Variants in NOVA2 observed in about 807,000 individuals in gnomAD.
NOVA2 encodes the protein NOVA alternative splicing regulator 2, also known as RNA-binding protein Nova-2.
In NOVA2, 9 loss-of-function variants were observed where a neutral mutation model predicts 22.5. The observed-to-expected ratio is 0.40, with a 90% CI of 0.24 to 0.70. The LOEUF is 0.70. NOVA2 is among the 30% of genes least tolerant of loss of function. The probability of loss-of-function intolerance (pLI) is 0.38; values close to 1 mark genes in which losing one functional copy is unlikely to be tolerated. For synonymous variants in NOVA2, 318 were observed against 335.2 expected (o/e 0.95, Z 0.56); for missense variants, 383 against 682.8 (o/e 0.56, Z 4.89).
chr19:45,948,375 G>A (rs1174837473), intron 3 of NOVA2, among the ~76,000 whole-genome samples: 1 of 152,108 alleles, frequency 6.6e-6, no homozygotes, highest in Non-Finnish European at 1.5e-5. Flanking sequence ...CAAGGTGGGC[G>A]GATCACGGGG....
Position 45,961,140 on chromosome 19 carries a change from G to A in NOVA2, c.99C>T (p.Tyr33=), listed in dbSNP as rs546007497. Residue 33 remains tyrosine, a synonymous_variant, in exon 2 of 4, where the codon TAC becomes TAT. Transcript: ENST00000263257. The part of the protein sequence containing the change: ...KRSNTGEEGE[Y]FLKVLIPSYA... ...AGCTGGGGATCAGCACCTTCAGGAAGTATTCGCCTTCCTCTGCGGGGGCAC... is the reference window on the plus strand; with the variant it reads ...AGCTGGGGATCAGCACCTTCAGGAAATATTCGCCTTCCTCTGCGGGGGCAC... The A allele has an allele frequency of 3.0e-5, 48 of 1,599,668 alleles. 1 individual carries two copies. In the South Asian group the frequency reaches 5.1e-4, roughly 17 times the overall value.
intron 3 of NOVA2, among the ~76,000 whole-genome samples, chr19:45,949,337 A>C (rs887043943): frequency 1.3e-5 from 2 of 151,986 alleles, no homozygotes; most frequent in East Asian, 3.8e-4. Flanking sequence ...AAAAAAAAAA[A>C]AAACACCAGG....
intron 3 of NOVA2, among the ~76,000 whole-genome samples, chr19:45,943,787 A>G (rs1351200728): frequency 6.6e-6 from 1 of 151,982 alleles, no homozygotes; most frequent in Non-Finnish European, 1.5e-5. Context: ...CCCAAAATAA[A>G]TAAGTAAATA....
chr19:45,938,412 C>G lies in NOVA2; in HGVS notation c.*1451G>C, dbSNP rs751641705. 1.3e-5 allele frequency: 2 copies of G among 152,430 alleles called. No individual in the cohort carries two copies. The highest frequency in any genetic ancestry group is 2.9e-5 in the Non-Finnish European group (2 of 68,146). 9.4% of individuals were successfully genotyped at this position (152,430 alleles called of 1,614,324 possible). On this transcript the variant is annotated 3_prime_UTR_variant, in exon 4 of 4. Coordinates refer to ENST00000263257, the MANE Select transcript of NOVA2 (RefSeq NM_002516.4). ...AAGCCACCAAACCAATCTAACCTAT[C>G]AGACCACACGAAGCATTCTGGCCCA...
intron 1 of NOVA2, 75 bp downstream of exon 1, chr19:45,973,192 G>T (rs1304140694): frequency 5.4e-6 from 4 of 734,124 alleles, no homozygotes; most frequent in South Asian, 2.2e-5. Flanking sequence ...CACCTGCCAC[G>T]GGAGGGGGGG....
rs555844320 is a variant in NOVA2, at chr19:45,937,217, G to A, written c.*2646C>T. ...CACCCCAAGCAAACACTTTTCAGGA[G>A]GCCCAGCCTCCGGAGATGTGTCTGT... On this transcript the variant is annotated 3_prime_UTR_variant, in exon 4 of 4. Coordinates refer to ENST00000263257, the MANE Select transcript of NOVA2 (RefSeq NM_002516.4). The A allele has an allele frequency of 1.4e-4, 22 of 152,338 alleles. No homozygotes were observed. The highest frequency in any genetic ancestry group is 5.3e-4 in the African/African-American group (22 of 41,576). The allele number at this position is 152,338 out of a possible 1,614,324, so 9.4% of individuals were successfully genotyped here. A position where few individuals can be genotyped will look rare whatever the true frequency, so the allele number is the denominator to read the frequency against.
At chr19:45,966,081 C>T (rs750921351) in intron 1 of NOVA2, among the ~76,000 whole-genome samples, 8 of 152,102 alleles carry the variant, frequency 5.3e-5, no homozygotes, top group Non-Finnish European at 1.0e-4. Context: ...CTTTGTTAAT[C>T]ACCCATTTCC....
At chr19:45,957,432 G>A (rs749174644) in intron 2 of NOVA2, among the ~76,000 whole-genome samples, 5 of 151,912 alleles carry the variant, frequency 3.3e-5, no homozygotes, top group Non-Finnish European at 7.4e-5. Context: ...CCAGCTACTC[G>A]GGAGGCTGAG....
intron 2 of NOVA2, 99 bp from the exon 3 acceptor site, chr19:45,954,045 A>ACTCTCTG: frequency 7.4e-7 from 1 of 1,354,598 alleles, no homozygotes; most frequent in Non-Finnish European, 1.0e-6. Context: ...GCTGAGGTCC[A>ACTCTCTG]GAGAGTGGAC....
At position 45,937,042 on chromosome 19, in the gene NOVA2, A is replaced by G. The variant is rs1990932; in HGVS notation, c.*2821T>C. On this transcript the variant is annotated 3_prime_UTR_variant, in exon 4 of 4. Coordinates refer to ENST00000263257, the MANE Select transcript of NOVA2 (RefSeq NM_002516.4). ...CAAAGATGGTGGAGTGAGTTTCCCAAGGTAAAATGGGGAAAGGTGTGGCTC... is the reference window on the plus strand; with the variant it reads ...CAAAGATGGTGGAGTGAGTTTCCCAGGGTAAAATGGGGAAAGGTGTGGCTC... 0.55 allele frequency: 84,322 copies of G among 151,980 alleles called. 24,084 individuals carry two copies. The highest frequency in any genetic ancestry group is 0.64 in the East Asian group (3,329 of 5,166). 9.4% of individuals were successfully genotyped at this position (151,980 alleles called of 1,614,324 possible).
chr19:45,970,922 A>C (rs950259947), intron 1 of NOVA2, among the ~76,000 whole-genome samples: 3 of 152,138 alleles, frequency 2.0e-5, no homozygotes, highest in African/African-American at 7.2e-5. Context: ...GGTGGGAGAC[A>C]GTCTGGAGGA....
chr19:45,955,493 GA>G (rs1349661585), intron 2 of NOVA2, among the ~76,000 whole-genome samples: 1 of 152,148 alleles, frequency 6.6e-6, no homozygotes, highest in Admixed American at 6.6e-5. Context: ...GGTGAGCCGG[GA>G]TGTGTGTGAT....
intron 2 of NOVA2, 21 bp downstream of exon 2, chr19:45,960,989 G>A (rs1204720945): frequency 6.4e-7 from 1 of 1,565,812 alleles, no homozygotes; most frequent in Non-Finnish European, 8.7e-7. Flanking sequence ...GCCTAGGGCA[G>A]AGACCTGGGC....
intron 3 of NOVA2, among the ~76,000 whole-genome samples, chr19:45,943,107 A>G (rs1424740446): frequency 2.0e-5 from 3 of 148,298 alleles, no homozygotes; most frequent in Non-Finnish European, 3.0e-5. Flanking sequence ...AGGCTGGTAC[A>G]CAGTGGTGCG....
At chr19:45,965,441 G>A (rs796356056) in intron 1 of NOVA2, among the ~76,000 whole-genome samples, 7 of 152,300 alleles carry the variant, frequency 4.6e-5, no homozygotes, top group African/African-American at 1.4e-4. Context: ...TAAGAGTGAC[G>A]TTTATGGTCG....
intron 2 of NOVA2, among the ~76,000 whole-genome samples, chr19:45,955,915 C>T (rs1026923491): frequency 6.6e-6 from 1 of 152,072 alleles, no homozygotes; most frequent in South Asian, 2.1e-4. Flanking sequence ...CACCAGGCAC[C>T]GTGTGGCTGT....
At chr19:45,957,254 A>G (rs897513406) in intron 2 of NOVA2, among the ~76,000 whole-genome samples, 2 of 152,064 alleles carry the variant, frequency 1.3e-5, no homozygotes, top group African/African-American at 4.8e-5. Context: ...AAAAAAATAT[A>G]CAGGCCAGGT....
chr19:45,957,832 C>A (rs566388679), intron 2 of NOVA2, among the ~76,000 whole-genome samples: 1 of 151,938 alleles, frequency 6.6e-6, no homozygotes, highest in African/African-American at 2.4e-5. Context: ...GGTGGCCGGT[C>A]GCGGTGGCTC....
chr19:45,951,858 A>C (rs114308478), intron 3 of NOVA2, among the ~76,000 whole-genome samples: 3,304 of 152,216 alleles, frequency 0.022, 127 homozygotes, highest in African/African-American at 0.076. Flanking sequence ...GATCTAAAAA[A>C]TTTATGGCTT....
Sources: allele counts gnomAD v4.1 joint callset (sites outside exome capture counted in the v4.1 genomes callset), GRCh38; gene constraint gnomAD v4.1.1; transcripts MANE v1.5; gene names NCBI Gene and HGNC (gene_info 2026-07-23, HGNC 2026-07-21).